Variants in UNC79 observed in about 807,000 individuals in gnomAD.
The protein encoded by UNC79 is unc-79 subunit of NALCN channel complex.
In UNC79, 37 loss-of-function variants were observed where a neutral mutation model predicts 283.1. That is an observed-to-expected ratio of 0.13 (90% CI 0.10 to 0.17). UNC79 has a LOEUF of 0.17. UNC79 is among the 10% of genes least tolerant of loss of function. The pLI, the probability that UNC79 is intolerant of heterozygous loss-of-function variation, is 1.00. For missense variants in UNC79, 2,272 were observed against 3,211.1 expected (o/e 0.71, Z 7.07); for synonymous variants, 1,107 against 1,200.2 (o/e 0.92, Z 1.61).
chr14:93,478,147 G>A (rs907413143), intron 4 of UNC79, among the ~76,000 whole-genome samples: 12 of 152,178 alleles, frequency 7.9e-5, no homozygotes, highest in African/African-American at 2.4e-4. Context: ...TCTGGTCCCA[G>A]CTCTGCCTCT....
At chr14:93,487,586 A>G in intron 4 of UNC79, 77 bp from the exon 5 acceptor site, 1 of 1,135,046 alleles carries the variant, frequency 8.8e-7, no homozygotes. Flanking sequence ...GTTCCTTCTT[A>G]TCTCTCATGC....
chr14:93,347,365 C>T (rs763123090), intron 1 of UNC79: 3 of 1,570,128 alleles, frequency 1.9e-6, no homozygotes, highest in East Asian at 2.3e-5. Context: ...CCACTCGGGG[C>T]CCCCGCGCCA....
intron 14 of UNC79, among the ~76,000 whole-genome samples, chr14:93,559,435 GA>G (rs2062404078): frequency 6.6e-6 from 1 of 152,346 alleles, no homozygotes; most frequent in East Asian, 1.9e-4. Context: ...GGCTTTGTGT[GA>G]GCACTAAAGC....
At position 93,582,184 on chromosome 14, in the gene UNC79, C is replaced by T. The variant is rs771703108; in HGVS notation, c.2662-19C>T. Reference sequence around the variant, plus strand: ...CCCTCCAGGGCTGCTTACCTGGCTGCCTGTCCTGTTTATTTCAGGAGCCCA... The same window carrying T: ...CCCTCCAGGGCTGCTTACCTGGCTGTCTGTCCTGTTTATTTCAGGAGCCCA... On this transcript the variant is annotated intron_variant, in intron 19 of 48. Coordinates refer to ENST00000555664, the Ensembl canonical transcript of UNC79. 7 of 1,614,054 alleles carry T rather than the reference C, an allele frequency of 4.3e-6. No homozygotes were observed. Among genetic ancestry groups the T allele is most frequent in the African/African-American group, 1.3e-5 (1 of 75,040 alleles).
intron 42 of UNC79, among the ~76,000 whole-genome samples, 182 bp downstream of exon 45, chr14:93,682,876 G>T (rs1047659277): frequency 2.0e-5 from 3 of 152,138 alleles, no homozygotes; most frequent in African/African-American, 7.2e-5. Context: ...ATATAACAGG[G>T]TTTAACATAT....
chr14:93,679,211 A>G (rs1355891022), intron 41 of UNC79, among the ~76,000 whole-genome samples: 1 of 152,234 alleles, frequency 6.6e-6, no homozygotes, highest in Non-Finnish European at 1.5e-5. Flanking sequence ...CTGTAATCCC[A>G]ACACTTTGGG....
intron 27 of UNC79, among the ~76,000 whole-genome samples, chr14:93,615,195 G>T (rs748195215): frequency 6.6e-6 from 1 of 152,148 alleles, no homozygotes; most frequent in Non-Finnish European, 1.5e-5. Context: ...CCTGTCTCAT[G>T]GTAGGAACTC....
chr14:93,467,653 T>TTG lies in UNC79; in HGVS notation c.23-17_23-16insGT. ...CTTTTTTTTTTTTTTTTTTTTTTTTTTTTTTGCTTTTATCTAGTTGCTTCC... is the reference window on the plus strand; with the variant it reads ...CTTTTTTTTTTTTTTTTTTTTTTTTTTGTTTTTGCTTTTATCTAGTTGCTTCC... On this transcript the variant is annotated splice_polypyrimidine_tract_variant and intron_variant, in intron 1 of 48. Coordinates refer to ENST00000555664, the Ensembl canonical transcript of UNC79. 1 of 1,126,824 alleles carries TTG rather than the reference T, an allele frequency of 8.9e-7. No homozygotes were observed. Among genetic ancestry groups the TTG allele is most frequent in the Non-Finnish European group, 1.1e-6 (1 of 927,970 alleles). 69.8% of individuals were successfully genotyped at this position (1,126,824 alleles called of 1,614,324 possible). A position where few individuals can be genotyped will look rare whatever the true frequency, so the allele number is the denominator to read the frequency against.
At chr14:93,650,474 G>T (rs888042712) in intron 35 of UNC79, among the ~76,000 whole-genome samples, 5 of 152,096 alleles carry the variant, frequency 3.3e-5, no homozygotes, top group African/African-American at 1.2e-4. Context: ...CTTTGGCATT[G>T]TTGGTCTTTT....
At chr14:93,445,742 C>A (rs2056441838) in intron 1 of UNC79, among the ~76,000 whole-genome samples, 1 of 151,950 alleles carries the variant, frequency 6.6e-6, no homozygotes, top group Non-Finnish European at 1.5e-5. Context: ...CCTGGAGGTT[C>A]TTTTTTTGGG....
chr14:93,614,823 T>A (rs1455552260), intron 27 of UNC79, among the ~76,000 whole-genome samples: 1 of 152,138 alleles, frequency 6.6e-6, no homozygotes, highest in African/African-American at 2.4e-5. Flanking sequence ...CCCCTAGTTA[T>A]GGACTCATAT....
In UNC79 at chr14:93,524,062, G is replaced by T. The variant is rs367894314; in HGVS notation, c.963+20G>T. 6.0e-5 allele frequency: 97 copies of T among 1,613,340 alleles called. No homozygotes were observed. The highest frequency in any genetic ancestry group is 8.1e-5 in the Non-Finnish European group (95 of 1,179,498). ...GTGAAGGTACTGTTTTATTAGACCT[G>T]GTGCCATACTGTATTGTCAGTGGTC... On this transcript the variant is annotated intron_variant, in intron 8 of 48. Transcript: ENST00000555664.
intron 17 of UNC79, among the ~76,000 whole-genome samples, chr14:93,575,825 T>C (rs922908802): frequency 1.3e-5 from 2 of 152,132 alleles, no homozygotes; most frequent in Non-Finnish European, 1.5e-5. Context: ...TTGACTCTTA[T>C]TGGATGGTTG....
At chr14:93,364,978 A>G (rs2054299452) in intron 1 of UNC79, among the ~76,000 whole-genome samples, 1 of 152,136 alleles carries the variant, frequency 6.6e-6, no homozygotes, top group Non-Finnish European at 1.5e-5. Context: ...CATGACTATA[A>G]TCTCAACACT....
intron 32 of UNC79, among the ~76,000 whole-genome samples, chr14:93,639,383 G>A (rs553114273): frequency 3.9e-5 from 6 of 152,090 alleles, no homozygotes; most frequent in Non-Finnish European, 7.4e-5. Flanking sequence ...AACTTCATGC[G>A]GTTTACCGTG....
At chr14:93,548,539 T>C (rs2061718272) in intron 14 of UNC79, among the ~76,000 whole-genome samples, 1 of 152,160 alleles carries the variant, frequency 6.6e-6, no homozygotes, top group East Asian at 1.9e-4. Flanking sequence ...AGAGAGAAAA[T>C]GAAACTCTGG....
chr14:93,454,273 G>A (rs1309302318), intron 1 of UNC79, among the ~76,000 whole-genome samples: 1 of 152,160 alleles, frequency 6.6e-6, no homozygotes, highest in Non-Finnish European at 1.5e-5. Context: ...TTGAACTCCT[G>A]AGCTCAAGCA....
intron 1 of UNC79, among the ~76,000 whole-genome samples, chr14:93,359,769 C>T (rs947301932): frequency 5.9e-5 from 9 of 152,220 alleles, no homozygotes; most frequent in African/African-American, 1.9e-4. Context: ...AATTTCCAGA[C>T]GAGCCACTTT....
At chr14:93,494,470 T>A (rs1487750262) in intron 5 of UNC79, among the ~76,000 whole-genome samples, 3 of 152,198 alleles carry the variant, frequency 2.0e-5, no homozygotes, top group East Asian at 1.9e-4. Flanking sequence ...TCAGACGTGT[T>A]GTGTTCACAG....
Sources: gnomAD v4.1 joint callset for allele counts (sites outside exome capture counted in the v4.1 genomes callset) on GRCh38, gnomAD v4.1.1 for gene constraint, MANE v1.5 for transcripts, NCBI Gene and HGNC (gene_info 2026-07-23, HGNC 2026-07-21) for gene names.